The following PCLO variants were observed in gnomAD, a reference collection of about 807,000 sequenced individuals.
PCLO encodes the protein protein piccolo.
Under a neutral mutation model 427.5 loss-of-function variants are expected in PCLO, and 82 were observed. The observed-to-expected ratio is 0.19, with a 90% CI of 0.16 to 0.23. PCLO has a LOEUF of 0.23. Ranked by LOEUF, PCLO falls within the 10% of genes least tolerant of loss-of-function variation. PCLO has a pLI of 1.00. For missense variants in PCLO, 6,239 were observed against 6,115.9 expected (o/e 1.02, Z -0.67); for synonymous variants, 2,357 against 2,155.4 (o/e 1.09, Z -2.59).
intron 20 of PCLO, chr7:82,820,871 C>T: frequency 4.1e-6 from 5 of 1,230,868 alleles, no homozygotes; most frequent in Non-Finnish European, 5.1e-6. Context: ...TAATCTATTT[C>T]CCAACAAAAG....
chr7:82,826,735 A>G (rs749946213), intron 17 of PCLO, 75 bp from the exon 18 acceptor site: 18 of 854,798 alleles, frequency 2.1e-5, no homozygotes, highest in Non-Finnish European at 3.0e-5. Context: ...TACAGTAGAC[A>G]TATTTATTTT....
In PCLO at chr7:82,818,787, C is replaced by T. The variant is rs188854281; in HGVS notation, c.14791+3708G>A. 2.6e-5 allele frequency among the ~76,000 whole-genome samples: 4 copies of T among 152,290 alleles called. No homozygotes were observed. In the East Asian group the frequency reaches 5.8e-4, roughly 22 times the overall value. On this transcript the variant is annotated intron_variant, in intron 20 of 24. Coordinates refer to ENST00000333891, the MANE Select transcript of PCLO (RefSeq NM_033026.6). ...GGGATAAGAATATTGAAATAACTAC[C>T]TCATCCACTTAATGTGATAAAATGA...
At chr7:83,100,771 T>A (rs1001146461) in intron 3 of PCLO, among the ~76,000 whole-genome samples, 3 of 152,160 alleles carry the variant, frequency 2.0e-5, no homozygotes, top group Admixed American at 1.3e-4. Context: ...AGTTTACCTA[T>A]GTAACAAACC....
intron 3 of PCLO, among the ~76,000 whole-genome samples, chr7:83,107,709 G>T (rs959514171): frequency 9.0e-5 from 12 of 133,838 alleles, no homozygotes; most frequent in Non-Finnish European, 1.8e-4. Context: ...TATAAGAAGA[G>T]AATATGTGCG....
chr7:82,792,858 T>C (rs1791134720), intron 22 of PCLO, among the ~76,000 whole-genome samples: 1 of 152,174 alleles, frequency 6.6e-6, no homozygotes, highest in African/African-American at 2.4e-5. Context: ...ATTTAGCTTT[T>C]CTCATCCTTG....
At chr7:82,796,145 A>G (rs1042163740) in intron 22 of PCLO, among the ~76,000 whole-genome samples, 2 of 152,210 alleles carry the variant, frequency 1.3e-5, no homozygotes, top group African/African-American at 4.8e-5. Context: ...TTAGTGGTCA[A>G]TCGATACCCT....
intron 6 of PCLO, among the ~76,000 whole-genome samples, chr7:82,943,580 T>A (rs373237584): frequency 6.6e-6 from 1 of 152,192 alleles, no homozygotes; most frequent in African/African-American, 2.4e-5. Context: ...ATGCAATAGA[T>A]AATGTCACTT....
At chr7:82,868,488 C>G (rs1321592443) in intron 10 of PCLO, among the ~76,000 whole-genome samples, 1 of 152,202 alleles carries the variant, frequency 6.6e-6, no homozygotes, top group Non-Finnish European at 1.5e-5. Context: ...AGAAGAAGAG[C>G]AAGCTAGCTG....
chr7:83,143,642 CAAAAA>C (rs36020139), intron 2 of PCLO, among the ~76,000 whole-genome samples: 1 of 103,296 alleles, frequency 9.7e-6, no homozygotes, highest in Non-Finnish European at 2.1e-5. Flanking sequence ...CAGGATTGCC[CAAAAA>C]AAAAAAAAAA....
intron 18 of PCLO, among the ~76,000 whole-genome samples, chr7:82,825,566 T>C (rs950797167): frequency 5.3e-5 from 8 of 150,684 alleles, no homozygotes; most frequent in Non-Finnish European, 1.2e-4. Flanking sequence ...ATTTTTAACA[T>C]TAATTCATAA....
chr7:82,760,843 A>C (rs1280001212), intron 23 of PCLO, 59 bp from the exon 24 acceptor site: 2 of 926,098 alleles, frequency 2.2e-6, no homozygotes, highest in Non-Finnish European at 3.2e-6. Context: ...CTATTGAAAG[A>C]ATTATAACTG....
chr7:83,146,991 G>T (rs747380778), intron 2 of PCLO, among the ~76,000 whole-genome samples: 3 of 149,908 alleles, frequency 2.0e-5, no homozygotes, highest in Non-Finnish European at 4.4e-5. Flanking sequence ...AGGCTTACTA[G>T]ACATTATGAA....
chr7:82,941,091 G>GTT lies in PCLO; in HGVS notation c.11112+8383_11112+8384dup, dbSNP rs5885325. On this transcript the variant is annotated intron_variant, in intron 6 of 24. Coordinates refer to ENST00000333891, the MANE Select transcript of PCLO (RefSeq NM_033026.6). ...TCTTATATTGCTTTCAATCATTAAG[G>GTT]TTTTTTTTTTAATGCTTTAATTTGG... is the stretch of plus-strand genomic sequence containing the variant. Among the ~76,000 whole-genome samples, 445 of 148,458 alleles carry GTT rather than the reference G, an allele frequency of 3.0e-3. 1 individual carries two copies. Among genetic ancestry groups the GTT allele is most frequent in the African/African-American group, 9.2e-3 (371 of 40,440 alleles).
At chr7:83,025,803 C>T (rs1197878441) in intron 3 of PCLO, among the ~76,000 whole-genome samples, 1 of 152,124 alleles carries the variant, frequency 6.6e-6, no homozygotes, top group Non-Finnish European at 1.5e-5. Flanking sequence ...CAATATTCAA[C>T]ATTCTCAAAG....
chr7:82,934,010 G>A (rs1794896473), intron 6 of PCLO, among the ~76,000 whole-genome samples: 1 of 151,826 alleles, frequency 6.6e-6, no homozygotes, highest in African/African-American at 2.4e-5. Flanking sequence ...GCCAATTAAG[G>A]CAAGTGAGAT....
chr7:83,158,860 C>G (rs926525315), intron 1 of PCLO, among the ~76,000 whole-genome samples: 2 of 151,868 alleles, frequency 1.3e-5, no homozygotes, highest in African/African-American at 2.4e-5. Flanking sequence ...ACACAGAGAT[C>G]TTTGAGTGGG....
At chr7:82,862,958 CAAT>C (rs1454260623) in intron 10 of PCLO, among the ~76,000 whole-genome samples, 4 of 151,726 alleles carry the variant, frequency 2.6e-5, no homozygotes, top group African/African-American at 9.7e-5. Flanking sequence ...TGACTATAGT[CAAT>C]AATAACTTAA....
chr7:82,950,108 C>A lies in PCLO; in HGVS notation c.10480G>T (p.Val3494Leu), dbSNP rs779483317. The change falls in exon 6 of 25, where the codon GTA becomes TTA. Residue 3494 changes from valine to leucine, a missense_variant. By Grantham distance (32) the Val-to-Leu change is conservative. Around this residue, in one of 5 missense-constraint regions of PCLO, gnomAD observed 4,677 missense variants for 4,468.4 expected, o/e 1.05. Transcript: ENST00000333891. ...MPTRSRRKARVGKYGDSMTEA... is the reference protein window; with the variant it reads ...MPTRSRRKARLGKYGDSMTEA... ...GTCATGCTGTCACCATATTTCCCTA[C>A]ACGAGCTTTCCTCCTTGATCTAGTA... 1.2e-6 allele frequency: 2 copies of A among 1,610,844 alleles called. No individual in the cohort carries two copies. The highest frequency in any genetic ancestry group is 3.4e-5 in the Admixed American group (2 of 59,482).
At chr7:82,766,055 A>G (rs986563814) in intron 22 of PCLO, among the ~76,000 whole-genome samples, 1 of 152,154 alleles carries the variant, frequency 6.6e-6, no homozygotes, top group African/African-American at 2.4e-5. Context: ...TACAACAGAT[A>G]TCACAAAATC....
Sources: allele counts gnomAD v4.1 joint callset (sites outside exome capture counted in the v4.1 genomes callset), GRCh38; gene constraint gnomAD v4.1.1; regional missense constraint gnomAD v4.1.1; transcripts MANE v1.5; gene names NCBI Gene and HGNC (gene_info 2026-07-23, HGNC 2026-07-21).